Variants in UGT1A5 observed in about 807,000 individuals in gnomAD.
UGT1A5 encodes UDP-glucuronosyltransferase 1A5.
UGT1A5 carries 29 observed loss-of-function variants against 40.3 expected under a neutral mutation model. The observed-to-expected ratio is 0.72, with a 90% CI of 0.54 to 0.98. The LOEUF is 0.98. Ranked by LOEUF, UGT1A5 falls within the 50% of genes least tolerant of loss-of-function variation. The pLI is 0.00. For synonymous variants in UGT1A5, 257 were observed against 262.5 expected, an observed-to-expected ratio of 0.98 and a Z score of 0.20; for missense variants, 678 against 677.9, an observed-to-expected ratio of 1.00 and a Z score of 0.00.
chr2:233,744,651 A>T lies in UGT1A5; in HGVS notation c.868-22383A>T, dbSNP rs887119274. Among the ~76,000 whole-genome samples, 395 of 152,016 alleles carry T rather than the reference A, an allele frequency of 2.6e-3. 3 individuals are homozygous for T. Among genetic ancestry groups the T allele is most frequent in the Middle Eastern group, 6.8e-3 (2 of 294 alleles). On this transcript the variant is annotated intron_variant, in intron 1 of 4. Transcript: ENST00000373414. The stretch of plus-strand genomic sequence containing the variant: ...GATTCTCATGTCAGCTTCTGTATTC[A>T]ATCTACTGTGATATTACACATCACC...
chr2:233,743,398 G>A, intron 1 of UGT1A5: 3 of 1,279,318 alleles, frequency 2.3e-6, no homozygotes. Context: ...GCAGAAGGAA[G>A]AAAGGCCCCC....
At chr2:233,746,611 C>A (rs1265902828) in intron 1 of UGT1A5, among the ~76,000 whole-genome samples, 1 of 151,736 alleles carries the variant, frequency 6.6e-6, no homozygotes. Context: ...GTTCACCTGA[C>A]CCCTCCTTTC....
At chr2:233,748,883 A>T (rs1047977403) in intron 1 of UGT1A5, among the ~76,000 whole-genome samples, 3 of 151,568 alleles carry the variant, frequency 2.0e-5, no homozygotes, top group African/African-American at 7.3e-5. Context: ...TGATGAATGG[A>T]CATGTGTCCA....
chr2:233,743,833 G>A (rs2125856525), intron 1 of UGT1A5: 1 of 1,367,262 alleles, frequency 7.3e-7, no homozygotes, highest in African/African-American at 1.5e-5. Context: ...GGTGCCACTT[G>A]AGCGCCAGCT....
chr2:233,724,297 C>A (rs2077212322), intron 1 of UGT1A5, among the ~76,000 whole-genome samples: 2 of 146,144 alleles, frequency 1.4e-5, no homozygotes, highest in South Asian at 4.7e-4. Flanking sequence ...GCTGACCCCC[C>A]CACCTCCCTC....
intron 1 of UGT1A5, among the ~76,000 whole-genome samples, chr2:233,765,833 T>G (rs532731627): frequency 6.6e-6 from 1 of 152,182 alleles, no homozygotes; most frequent in Admixed American, 6.5e-5. Flanking sequence ...ACAGGAAAAC[T>G]TTCCTTGTCC....
chr2:233,741,622 A>G (rs1467622913), intron 1 of UGT1A5: 1 of 151,894 alleles, frequency 6.6e-6, no homozygotes, highest in Non-Finnish European at 1.5e-5. Context: ...GTCAGACCCC[A>G]TGAGCCCCTG....
At chr2:233,743,140 A>C (rs1692212499) in intron 1 of UGT1A5, 1 of 356,854 alleles carries the variant, frequency 2.8e-6, no homozygotes, top group African/African-American at 2.2e-5. Flanking sequence ...ATCCTAAAAA[A>C]AGTCCGCTAT....
At chr2:233,755,290 G>C in intron 1 of UGT1A5, 1 of 652,954 alleles carries the variant, frequency 1.5e-6, no homozygotes, top group Admixed American at 2.9e-5. Context: ...CAAAGAGCCT[G>C]CGGGGCACTG....
chr2:233,743,619 A>G, intron 1 of UGT1A5: 2 of 1,367,304 alleles, frequency 1.5e-6, no homozygotes, highest in African/African-American at 3.0e-5. Context: ...AACTCCCTGA[A>G]GACGTCGGCT....
chr2:233,739,125 T>C (rs1690989547), intron 1 of UGT1A5: 1 of 152,272 alleles, frequency 6.6e-6, no homozygotes. Flanking sequence ...ACACAGAAGA[T>C]AAGAATTTAG....
At chr2:233,743,547 C>T (rs201114978) in intron 1 of UGT1A5, 3 of 1,367,292 alleles carry the variant, frequency 2.2e-6, no homozygotes, top group Non-Finnish European at 9.8e-7. Context: ...TCTGACCCCC[C>T]CAAAATATTC....
intron 1 of UGT1A5, among the ~76,000 whole-genome samples, chr2:233,721,082 T>C (rs2125680652): frequency 6.6e-6 from 1 of 152,322 alleles, no homozygotes; most frequent in South Asian, 2.1e-4. Flanking sequence ...TGAACTTCCA[T>C]GAGTTTAGGT....
intron 1 of UGT1A5, among the ~76,000 whole-genome samples, chr2:233,748,343 G>A (rs192012783): frequency 6.6e-5 from 10 of 151,870 alleles, no homozygotes; most frequent in African/African-American, 1.2e-4. Flanking sequence ...GAGACTGTTC[G>A]TTTGTAAAGG....
At position 233,713,376 on chromosome 2, in the gene UGT1A5, G is replaced by T. The variant is rs1400775742; in HGVS notation, c.385G>T (p.Val129Leu). Residue 129 changes from valine to leucine, a missense_variant, in exon 1 of 5, where the codon GTG becomes TTG. By Grantham distance (32) the Val-to-Leu change is conservative. Transcript: ENST00000373414. Reference sequence around the variant, plus strand: ...GTCTTTGATCATACATAGGTCTTGTGTGGAGCTACTGCATAATGAGGCCCT... The same window carrying T: ...GTCTTTGATCATACATAGGTCTTGTTTGGAGCTACTGCATAATGAGGCCCT... ...NMSLIIHRSC[V>L]ELLHNEALIR... The T allele has an allele frequency of 2.5e-6, 4 of 1,614,068 alleles. No homozygotes were observed. The highest frequency in any genetic ancestry group is 3.4e-6 in the Non-Finnish European group (4 of 1,180,040).
chr2:233,745,543 AC>A (rs1237157104), intron 1 of UGT1A5, among the ~76,000 whole-genome samples: 1 of 151,766 alleles, frequency 6.6e-6, no homozygotes, highest in Non-Finnish European at 1.5e-5. Flanking sequence ...TGTCACCAGA[AC>A]AAACTTCTAA....
intron 1 of UGT1A5, among the ~76,000 whole-genome samples, chr2:233,758,159 G>C (rs1281366344): frequency 2.6e-5 from 4 of 152,206 alleles, no homozygotes; most frequent in Non-Finnish European, 5.9e-5. Flanking sequence ...AATGGGTTCT[G>C]CTTTGGTTTC....
intron 1 of UGT1A5, among the ~76,000 whole-genome samples, chr2:233,735,057 C>A (rs1430672120): frequency 1.3e-5 from 2 of 152,160 alleles, no homozygotes; most frequent in African/African-American, 4.8e-5. Flanking sequence ...GAGTTCAGGT[C>A]CTGGATATCC....
intron 1 of UGT1A5, among the ~76,000 whole-genome samples, chr2:233,738,704 G>A (rs1471185258): frequency 6.6e-6 from 1 of 152,238 alleles, no homozygotes; most frequent in South Asian, 2.1e-4. Flanking sequence ...TAAAAGGGAA[G>A]CAGAGCATAA....
Sources: allele counts gnomAD v4.1 joint callset (sites outside exome capture counted in the v4.1 genomes callset), GRCh38; gene constraint gnomAD v4.1.1; transcripts MANE v1.5; gene names NCBI Gene and HGNC (gene_info 2026-07-23, HGNC 2026-07-21).